The following CBFA2T2 variants were observed in gnomAD, a reference collection of about 807,000 sequenced individuals.
The protein encoded by CBFA2T2 is CBFA2/RUNX1 partner transcriptional co-repressor 2.
In CBFA2T2, 11 loss-of-function variants were observed where a neutral mutation model predicts 62.2. That is an observed-to-expected ratio of 0.18 (90% CI 0.11 to 0.29). The LOEUF (loss-of-function observed/expected upper bound fraction) is 0.29. Among genes scored for constraint, CBFA2T2 ranks in the 10% least tolerant of loss-of-function variants. CBFA2T2 has a pLI of 1.00. For synonymous variants in CBFA2T2, 295 were observed against 287.5 expected (o/e 1.03, Z -0.27); for missense variants, 592 against 774.1 (o/e 0.76, Z 2.79).
chr20:33,547,166 C>G (rs114025733), intron 1 of CBFA2T2, among the ~76,000 whole-genome samples: 415 of 152,226 alleles, frequency 2.7e-3, no homozygotes, highest in African/African-American at 9.5e-3. Flanking sequence ...TGCAGTTGCA[C>G]TCTAGCCTGG....
intron 6 of CBFA2T2, among the ~76,000 whole-genome samples, chr20:33,626,018 C>T (rs1042771376): frequency 1.3e-5 from 2 of 152,164 alleles, no homozygotes; most frequent in Non-Finnish European, 2.9e-5. Context: ...AGGAGAATGG[C>T]GTGAACCCAG....
intron 1 of CBFA2T2, among the ~76,000 whole-genome samples, chr20:33,572,390 A>T (rs1249943998): frequency 6.6e-6 from 1 of 152,208 alleles, no homozygotes; most frequent in East Asian, 1.9e-4. Flanking sequence ...GGATGAATTA[A>T]TTGGTGAATT....
chr20:33,525,601 A>C (rs183309398), intron 1 of CBFA2T2, among the ~76,000 whole-genome samples: 51 of 152,292 alleles, frequency 3.3e-4, no homozygotes, highest in African/African-American at 1.2e-3. Context: ...AAGAAACCCC[A>C]TACCCATTAA....
At chr20:33,538,705 A>G (rs2012330736) in intron 1 of CBFA2T2, among the ~76,000 whole-genome samples, 1 of 152,098 alleles carries the variant, frequency 6.6e-6, no homozygotes, top group African/African-American at 2.4e-5. Context: ...AATAAGGACA[A>G]TTTTACTTCT....
intron 1 of CBFA2T2, among the ~76,000 whole-genome samples, chr20:33,514,220 T>TTG (rs1440965921): frequency 1.5e-5 from 2 of 132,380 alleles, no homozygotes; most frequent in Non-Finnish European, 3.3e-5. Context: ...TTTTTTTTTT[T>TTG]TTTTTTTTTT....
At chr20:33,505,029 AT>A in intron 1 of CBFA2T2, among the ~76,000 whole-genome samples, 1 of 152,302 alleles carries the variant, frequency 6.6e-6, no homozygotes, top group South Asian at 2.1e-4. Flanking sequence ...TATCAGAACA[AT>A]TTTCACATAT....
chr20:33,497,980 G>T (rs2011222518), intron 1 of CBFA2T2, among the ~76,000 whole-genome samples: 1 of 152,166 alleles, frequency 6.6e-6, no homozygotes, highest in South Asian at 2.1e-4. Context: ...ATTGAGTCCA[G>T]CCCTTCTTTG....
chr20:33,497,770 G>T lies in CBFA2T2; in HGVS notation c.34+7469G>T, dbSNP rs375256506. Among the ~76,000 whole-genome samples, 92 of 152,012 alleles carry T rather than the reference G, an allele frequency of 6.1e-4. 2 individuals are homozygous for T. The South Asian group carries it at 0.012, about 20-fold the overall frequency. ...TCACCATGTTGGCCAGGCTAGTCTC[G>T]ATCACTTGACCTCGTGATCTGCCCG... On this transcript the variant is annotated intron_variant, in intron 1 of 10. Coordinates refer to ENST00000342704, the MANE Select transcript of CBFA2T2 (RefSeq NM_001032999.3).
intron 8 of CBFA2T2, among the ~76,000 whole-genome samples, chr20:33,632,712 G>C (rs2016497673): frequency 1.3e-5 from 2 of 151,798 alleles, no homozygotes; most frequent in South Asian, 2.1e-4. Flanking sequence ...CTCCCGAAGT[G>C]CTGGGATTAC....
At chr20:33,634,275 A>G (rs1417031790) in intron 8 of CBFA2T2, among the ~76,000 whole-genome samples, 1 of 152,164 alleles carries the variant, frequency 6.6e-6, no homozygotes, top group Non-Finnish European at 1.5e-5. Context: ...CCAAATTTTT[A>G]AACAAAGAAA....
chr20:33,611,047 C>T lies in CBFA2T2; in HGVS notation c.179-47C>T, dbSNP rs778310674. ...AACAAGAAAAAATGAACAAAGGTTC[C>T]CTTGTTTTACACGTAACCTGAGTCT... On this transcript the variant is annotated intron_variant, in intron 2 of 10. Coordinates refer to ENST00000342704, the MANE Select transcript of CBFA2T2 (RefSeq NM_001032999.3). 23 of 1,599,978 alleles carry T rather than the reference C, an allele frequency of 1.4e-5. No homozygotes were observed. The South Asian group carries it at 2.6e-4, about 18-fold the overall frequency.
intron 1 of CBFA2T2, among the ~76,000 whole-genome samples, chr20:33,500,264 CT>C (rs1047715278): frequency 7.9e-5 from 12 of 151,824 alleles, no homozygotes; most frequent in African/African-American, 2.7e-4. Flanking sequence ...CAAAAACCCA[CT>C]TTTTTTTAAC....
In CBFA2T2 at chr20:33,648,186, G is replaced by T. The variant is rs2017117749; in HGVS notation, c.*3540G>T. On this transcript the variant is annotated 3_prime_UTR_variant, in exon 11 of 11. Transcript: ENST00000342704. The stretch of plus-strand genomic sequence containing the variant: ...ATAAAAGGCAAAGAGGAGCTGGCAT[G>T]GTGGTACAGAAGGTATCAGTCAAGC... 2 of 152,230 alleles carry T rather than the reference G, an allele frequency of 1.3e-5. No individual in the cohort carries two copies. Among genetic ancestry groups the T allele is most frequent in the South Asian group, 4.1e-4 (2 of 4,832 alleles). 9.4% of individuals were successfully genotyped at this position (152,230 alleles called of 1,614,324 possible). A position where few individuals can be genotyped will look rare whatever the true frequency, so the allele number is the denominator to read the frequency against.
At chr20:33,496,241 T>C (rs1437847377) in intron 1 of CBFA2T2, among the ~76,000 whole-genome samples, 1 of 152,164 alleles carries the variant, frequency 6.6e-6, no homozygotes, top group Non-Finnish European at 1.5e-5. Flanking sequence ...GAGTAGTTTA[T>C]CAGATCTGGA....
intron 1 of CBFA2T2, among the ~76,000 whole-genome samples, chr20:33,601,129 TC>T (rs1302033614): frequency 2.0e-5 from 3 of 151,976 alleles, no homozygotes; most frequent in African/African-American, 2.4e-5. Flanking sequence ...ATGATAAGCC[TC>T]CCCGCTCCCT....
chr20:33,634,825 G>A (rs372659623), intron 8 of CBFA2T2, among the ~76,000 whole-genome samples: 7 of 152,204 alleles, frequency 4.6e-5, no homozygotes, highest in African/African-American at 1.7e-4. Flanking sequence ...TTAGTGACAT[G>A]TGTGCACAAT....
intron 10 of CBFA2T2, among the ~76,000 whole-genome samples, chr20:33,643,403 C>T (rs537458104): frequency 6.6e-6 from 1 of 152,014 alleles, no homozygotes; most frequent in African/African-American, 2.4e-5. Flanking sequence ...TAAGGAGACT[C>T]TGTCTCTACA....
chr20:33,505,809 G>A (rs997431069), intron 1 of CBFA2T2, among the ~76,000 whole-genome samples: 8 of 151,916 alleles, frequency 5.3e-5, no homozygotes, highest in Non-Finnish European at 7.4e-5. Flanking sequence ...AAATGGAAGG[G>A]GTCAGGTGTG....
rs773285489 is a variant in CBFA2T2 at position 33,517,450 on chromosome 20, G to GTTTTTT, written c.34+27150_34+27151insTTTTTT. Among the ~76,000 whole-genome samples, 171 of 129,144 alleles carry GTTTTTT rather than the reference G, an allele frequency of 1.3e-3. 2 individuals are homozygous for GTTTTTT. The highest frequency in any genetic ancestry group is 1.9e-3 in the Non-Finnish European group (116 of 60,264). 84.7% of individuals were successfully genotyped at this position (129,144 alleles called of 152,430 possible). The stretch of plus-strand genomic sequence containing the variant: ...AGGACTGGTTTTTTTGGTTTTTTTG[G>GTTTTTT]TGTTTTTTTTTTTTTTTGAGACAGA... On this transcript the variant is annotated intron_variant, in intron 1 of 10. Transcript: ENST00000342704.
Sources: allele counts gnomAD v4.1 joint callset (sites outside exome capture counted in the v4.1 genomes callset), GRCh38; gene constraint gnomAD v4.1.1; transcripts MANE v1.5; gene names NCBI Gene and HGNC (gene_info 2026-07-23, HGNC 2026-07-21).